Variants in FRYL observed in about 807,000 individuals in gnomAD.
The protein encoded by FRYL is protein furry homolog-like.
Under a neutral mutation model 351.2 loss-of-function variants are expected in FRYL, and 150 were observed. That is an observed-to-expected ratio of 0.43 (90% confidence interval 0.37 to 0.49). The LOEUF (loss-of-function observed/expected upper bound fraction) is 0.49, where lower values mean the gene tolerates loss of function less well. Ranked by LOEUF, FRYL falls within the 20% of genes least tolerant of loss-of-function variation. The pLI, the probability that FRYL is intolerant of heterozygous loss-of-function variation, is 0.00. For missense variants in FRYL, 3,036 were observed against 3,619.3 expected, an observed-to-expected ratio of 0.84 and a Z score of 4.13; for synonymous variants, 1,153 against 1,257.1, an observed-to-expected ratio of 0.92 and a Z score of 1.75.
At chr4:48,500,963 G>A (rs1470941671) in intron 62 of FRYL, among the ~76,000 whole-genome samples, 1 of 151,910 alleles carries the variant, frequency 6.6e-6, no homozygotes, top group Admixed American at 6.6e-5. Flanking sequence ...GTGCACACTG[G>A]TAGTCCCAGC....
intron 56 of FRYL, among the ~76,000 whole-genome samples, chr4:48,513,627 A>G (rs529378657): frequency 6.6e-6 from 1 of 152,362 alleles, no homozygotes; most frequent in East Asian, 1.9e-4. Flanking sequence ...GGAGCAATGC[A>G]TATGGTCTTC....
rs1282336109 is a variant in FRYL, at chr4:48,589,879, T to C, written c.1508-2A>G. 1.9e-6 allele frequency: 3 copies of C among 1,607,870 alleles called. No individual in the cohort carries two copies. Among genetic ancestry groups the C allele is most frequent in the Non-Finnish European group, 2.5e-6 (3 of 1,176,776 alleles). On this transcript the variant is annotated splice_acceptor_variant, in intron 17 of 63. Coordinates refer to ENST00000358350, the MANE Select transcript of FRYL (RefSeq NM_015030.2). LOFTEE classifies it high-confidence loss of function. The stretch of plus-strand genomic sequence containing the variant: ...CTTGAGGATAGTAAACTGACATTCC[T>C]AGGGGAAAAAACTTCACAGTTATAA...
intron 7 of FRYL, 88 bp downstream of exon 7, chr4:48,619,186 A>G (rs1439599383): frequency 2.4e-6 from 2 of 841,200 alleles, no homozygotes; most frequent in Admixed American, 2.2e-5. Flanking sequence ...CTAAAATTCT[A>G]GACACAGCAT....
At chr4:48,608,073 A>T (rs1469043296) in intron 9 of FRYL, among the ~76,000 whole-genome samples, 1 of 152,204 alleles carries the variant, frequency 6.6e-6, no homozygotes, top group Non-Finnish European at 1.5e-5. Flanking sequence ...CATTTAAAAT[A>T]CTCAAACCAT....
At chr4:48,696,560 G>A (rs1766183856) in intron 2 of FRYL, among the ~76,000 whole-genome samples, 1 of 152,034 alleles carries the variant, frequency 6.6e-6, no homozygotes, top group Admixed American at 6.6e-5. Context: ...AGAACACTAG[G>A]ACAAATAGCT....
intron 1 of FRYL, among the ~76,000 whole-genome samples, chr4:48,715,713 C>A (rs577698665): frequency 6.6e-6 from 1 of 152,036 alleles, no homozygotes; most frequent in Admixed American, 6.6e-5. Flanking sequence ...GTAATTTATA[C>A]ATTCAATGCC....
intron 1 of FRYL, among the ~76,000 whole-genome samples, chr4:48,769,908 C>T (rs147661885): frequency 2.0e-5 from 3 of 152,094 alleles, no homozygotes; most frequent in African/African-American, 4.8e-5. Flanking sequence ...CCAGTAAATA[C>T]GGAAAAGGAG....
At chr4:48,702,757 T>C in intron 2 of FRYL, among the ~76,000 whole-genome samples, 1 of 9,256 alleles carries the variant, frequency 1.1e-4, no homozygotes, top group Non-Finnish European at 2.7e-4. Context: ...CAAGACTCCG[T>C]CTCAAAAAAA....
chr4:48,546,112 T>C lies in FRYL; in HGVS notation c.5234A>G (p.Glu1745Gly), dbSNP rs745624416. The C allele has an allele frequency of 6.2e-6, 10 of 1,613,556 alleles. No homozygotes were observed. The change falls in exon 42 of 64, where the codon GAG (glutamate) becomes GGG (glycine). Residue 1745 changes from glutamate (E) to glycine (G), a missense_variant. Glu to Gly is a moderately conservative substitution (Grantham distance 98). Coordinates refer to ENST00000358350, the MANE Select transcript of FRYL (RefSeq NM_015030.2). Reference protein sequence around the residue: ...TILNEVDISVEQDGKVKTLME... With the variant: ...TILNEVDISVGQDGKVKTLME... ...GAGGGTTTTGACTTTTCCATCCTGC[T>C]CCACTGAGATGTCAACCTCATTGAG...
rs766529483 is a variant in FRYL, at chr4:48,515,239, T to C, written c.7726A>G (p.Thr2576Ala). 9.9e-6 allele frequency: 16 copies of C among 1,610,600 alleles called. No homozygotes were observed. The Middle Eastern group carries it at 6.6e-4, about 67-fold the overall frequency. Residue 2576 changes from threonine to alanine, a missense_variant, in exon 56 of 64, where the codon ACC (threonine) becomes GCC (alanine). Thr to Ala is a moderately conservative substitution (Grantham distance 58). This residue lies in a region of FRYL where 1,987 missense variants were observed against 2,311.7 expected (regional missense o/e 0.86). Coordinates refer to ENST00000358350, the MANE Select transcript of FRYL (RefSeq NM_015030.2). ...TSVLKEEHVT[T>A]FEDEGSYIIQ... ...ATATAGGATCCTTCATCTTCAAAGG[T>C]TGTAACATGTTCCTCCTTTAATACT...
chr4:48,656,204 T>A (rs1385448433), intron 3 of FRYL, among the ~76,000 whole-genome samples: 1 of 134,022 alleles, frequency 7.5e-6, no homozygotes, highest in Non-Finnish European at 1.5e-5. Flanking sequence ...TATATATACA[T>A]GATTATTCAT....
At chr4:48,711,078 G>A (rs554587688) in intron 1 of FRYL, among the ~76,000 whole-genome samples, 62 of 152,320 alleles carry the variant, frequency 4.1e-4, no homozygotes, top group African/African-American at 1.4e-3. Flanking sequence ...TATGCTGGGG[G>A]GAGGAGCCAA....
In FRYL at chr4:48,689,277, T is replaced by C. The variant is rs570716462; in HGVS notation, c.-203-4482A>G. On this transcript the variant is annotated intron_variant, in intron 2 of 63. Transcript: ENST00000358350. Reference sequence around the variant, plus strand: ...TTTAAGAGGAAGTTTTCTGTAACAGTTTCATTCATTAAATCAAATGAAAAC... The same window carrying C: ...TTTAAGAGGAAGTTTTCTGTAACAGCTTCATTCATTAAATCAAATGAAAAC... Among the ~76,000 whole-genome samples the C allele has an allele frequency of 6.6e-5, 10 of 152,364 alleles. No homozygotes were observed. The South Asian group carries it at 1.9e-3, about 28-fold the overall frequency.
intron 4 of FRYL, among the ~76,000 whole-genome samples, chr4:48,629,256 T>C (rs1752498096): frequency 6.6e-6 from 1 of 152,112 alleles, no homozygotes; most frequent in South Asian, 2.1e-4. Flanking sequence ...CAGTAATCTG[T>C]AATTGGAGAT....
intron 7 of FRYL, among the ~76,000 whole-genome samples, chr4:48,610,495 T>C (rs565545522): frequency 8.6e-5 from 13 of 151,636 alleles, no homozygotes; most frequent in East Asian, 3.9e-4. Context: ...CTTAACCAAA[T>C]AATGTATCTT....
At chr4:48,644,580 G>A (rs1203129252) in intron 3 of FRYL, among the ~76,000 whole-genome samples, 2 of 148,758 alleles carry the variant, frequency 1.3e-5, no homozygotes, top group Non-Finnish European at 3.0e-5. Context: ...AGATTATCTA[G>A]TAAAAATGTT....
chr4:48,537,537 T>C lies in FRYL; in HGVS notation c.6394-1710A>G, dbSNP rs552482270. 9.9e-5 allele frequency among the ~76,000 whole-genome samples: 15 copies of C among 152,216 alleles called. No individual in the cohort carries two copies. The East Asian group carries it at 2.9e-3, about 29-fold the overall frequency. ...TGAAGGAGCACATAATGGCAGAAAA[T>C]TACTCTCTACAGTTATAAGTGGGAG... On this transcript the variant is annotated intron_variant, in intron 47 of 63. Transcript: ENST00000358350.
intron 29 of FRYL, 58 bp from the exon 30 acceptor site, chr4:48,565,101 G>T: frequency 3.0e-6 from 3 of 997,292 alleles, no homozygotes; most frequent in South Asian, 1.7e-5. Context: ...AATGTTGGTT[G>T]CTTAATGAGA....
intron 1 of FRYL, among the ~76,000 whole-genome samples, chr4:48,763,184 G>A (rs1774587621): frequency 6.6e-6 from 1 of 151,310 alleles, no homozygotes; most frequent in African/African-American, 2.4e-5. Flanking sequence ...TTGGAGGCCA[G>A]GCAAGGTGGC....
Sources: gnomAD v4.1 joint callset for allele counts (sites outside exome capture counted in the v4.1 genomes callset) on GRCh38, gnomAD v4.1.1 for gene constraint, gnomAD v4.1.1 regional missense constraint, MANE v1.5 for transcripts, NCBI Gene and HGNC (gene_info 2026-07-23, HGNC 2026-07-21) for gene names.